The following ARHGAP22 variants were observed in gnomAD, a reference collection of about 807,000 sequenced individuals.
ARHGAP22 encodes the protein Rho GTPase activating protein 22.
Under a neutral mutation model 59.1 loss-of-function variants are expected in ARHGAP22, and 48 were observed. The observed-to-expected ratio is 0.81, with a 90% CI of 0.64 to 1.03. ARHGAP22 has a LOEUF of 1.03. Ranked by LOEUF, ARHGAP22 falls within the 50% of genes least tolerant of loss-of-function variation. The pLI is 0.00. For missense variants in ARHGAP22, 1,015 were observed against 958.7 expected, an observed-to-expected ratio of 1.06 and a Z score of -0.78; for synonymous variants, 445 against 416.4, an observed-to-expected ratio of 1.07 and a Z score of -0.84.
At chr10:48,570,875 G>A (rs988066546) in intron 2 of ARHGAP22, among the ~76,000 whole-genome samples, 32 of 152,316 alleles carry the variant, frequency 2.1e-4, no homozygotes, top group East Asian at 7.7e-4. Flanking sequence ...CGCTCTGCAC[G>A]AAACGGCCAT....
At chr10:48,606,233 G>A (rs750187230), upstream of ARHGAP22, among the ~76,000 whole-genome samples, 3 of 152,138 alleles carry the variant, frequency 2.0e-5, no homozygotes, top group Non-Finnish European at 4.4e-5. Context: ...TGTCCTATTG[G>A]TATGTAATCA....
chr10:48,441,956 G>T (rs1235108926), downstream of ARHGAP22, among the ~76,000 whole-genome samples: 1 of 152,184 alleles, frequency 6.6e-6, no homozygotes, highest in Non-Finnish European at 1.5e-5. Context: ...CCCCTGGATG[G>T]AAGAGCCTGT....
intron 3 of ARHGAP22, among the ~76,000 whole-genome samples, chr10:48,523,174 A>G (rs2134765843): frequency 1.3e-5 from 2 of 152,080 alleles, no homozygotes; most frequent in South Asian, 4.2e-4. Flanking sequence ...GGCTTCCCAG[A>G]CTCACCTGGC....
chr10:48,464,565 C>T (rs2047469343), intron 4 of ARHGAP22, among the ~76,000 whole-genome samples: 1 of 152,166 alleles, frequency 6.6e-6, no homozygotes, highest in African/African-American at 2.4e-5. Flanking sequence ...CGTCAGAGGG[C>T]AGGGGTGAAG....
chr10:48,439,727 A>G, the ARHGAP22 span, among the ~76,000 whole-genome samples: 30 of 152,152 alleles, frequency 2.0e-4, no homozygotes, highest in Non-Finnish European at 4.0e-4. Flanking sequence ...ACTGTTTCCA[A>G]CTTTTGCCAT....
chr10:48,430,451 A>T, the ARHGAP22 span: 1 of 152,196 alleles, frequency 6.6e-6, no homozygotes, highest in African/African-American at 2.4e-5. Flanking sequence ...TTAACATCAG[A>T]ATCACTTCTG....
chr10:48,621,243 C>G (rs1006801661), intron 1 of ARHGAP22, among the ~76,000 whole-genome samples: 1 of 152,112 alleles, frequency 6.6e-6, no homozygotes, highest in Admixed American at 6.5e-5. Context: ...TTATTTTTTG[C>G]AAGAAGTTGT....
chr10:48,619,874 T>C (rs977163014), intron 1 of ARHGAP22, among the ~76,000 whole-genome samples: 1 of 152,112 alleles, frequency 6.6e-6, no homozygotes, highest in Non-Finnish European at 1.5e-5. Flanking sequence ...AAAAAACTTC[T>C]GCAAAGCGAA....
intron 3 of ARHGAP22, among the ~76,000 whole-genome samples, chr10:48,508,034 C>A (rs1303032244): frequency 1.3e-5 from 2 of 152,232 alleles, no homozygotes; most frequent in Admixed American, 6.5e-5. Context: ...CTCGGGCCAT[C>A]CCTGCCTTCC....
Position 48,605,001 on chromosome 10 carries a change from T to C in ARHGAP22, c.-205A>G, listed in dbSNP as rs2060604036. On this transcript the variant is annotated 5_prime_UTR_variant, in exon 1 of 10. Transcript: ENST00000249601. ...GGACTACATAAACCTCGATGCATTATTTATCCATCCCAGAATTAATTCCCA... is the reference window on the plus strand; with the variant it reads ...GGACTACATAAACCTCGATGCATTACTTATCCATCCCAGAATTAATTCCCA... The C allele has an allele frequency of 6.9e-7, 1 of 1,447,616 alleles. No individual in the cohort carries two copies. The highest frequency in any genetic ancestry group is 9.1e-7 in the Non-Finnish European group (1 of 1,104,946). 89.7% of individuals were successfully genotyped at this position (1,447,616 alleles called of 1,614,324 possible). A position where few individuals can be genotyped will look rare whatever the true frequency, so the allele number is the denominator to read the frequency against.
At chr10:48,536,570 C>T (rs1671990828) in intron 3 of ARHGAP22, among the ~76,000 whole-genome samples, 1 of 152,188 alleles carries the variant, frequency 6.6e-6, no homozygotes, top group African/African-American at 2.4e-5. Flanking sequence ...ACAGCCAGGC[C>T]TCAATCCACC....
chr10:48,631,155 C>G (rs1318090068), intron 1 of ARHGAP22, among the ~76,000 whole-genome samples: 2 of 152,178 alleles, frequency 1.3e-5, no homozygotes, highest in African/African-American at 4.8e-5. Context: ...GGAATAAACT[C>G]CACTTGGTTG....
intron 3 of ARHGAP22, among the ~76,000 whole-genome samples, chr10:48,518,925 G>A (rs1310935675): frequency 6.6e-6 from 1 of 152,220 alleles, no homozygotes; most frequent in Non-Finnish European, 1.5e-5. Flanking sequence ...TGAGAATTCA[G>A]TTTTAGCCCG....
chr10:48,439,823 G>A, the ARHGAP22 span, among the ~76,000 whole-genome samples: 2 of 152,276 alleles, frequency 1.3e-5, no homozygotes, highest in East Asian at 3.9e-4. Context: ...CTGTAATGAC[G>A]CCACTCCGTC....
chr10:48,653,817 G>C (rs1313383486), upstream of ARHGAP22, among the ~76,000 whole-genome samples: 1 of 152,174 alleles, frequency 6.6e-6, no homozygotes, highest in African/African-American at 2.4e-5. Flanking sequence ...TTCCATTTTC[G>C]AGTGCTTGGA....
At chr10:48,433,551 A>C in the ARHGAP22 span, among the ~76,000 whole-genome samples, 1 of 152,018 alleles carries the variant, frequency 6.6e-6, no homozygotes, top group Admixed American at 6.5e-5. Context: ...TTTACCTCTC[A>C]TCTCTCAGGC....
chr10:48,604,675 A>G, intron 1 of ARHGAP22, 88 bp downstream of exon 1: 1 of 1,604,450 alleles, frequency 6.2e-7, no homozygotes, highest in East Asian at 2.3e-5. Context: ...CCCATGTGAC[A>G]CATGGCGTGA....
intron 4 of ARHGAP22, among the ~76,000 whole-genome samples, chr10:48,463,306 GCA>G (rs1340984251): frequency 6.6e-6 from 1 of 152,204 alleles, no homozygotes; most frequent in African/African-American, 2.4e-5. Flanking sequence ...GACCTCTGGG[GCA>G]CAGACTTCCC....
intron 3 of ARHGAP22, among the ~76,000 whole-genome samples, chr10:48,480,289 C>T (rs2049169410): frequency 6.6e-6 from 1 of 152,146 alleles, no homozygotes; most frequent in Non-Finnish European, 1.5e-5. Context: ...AATTCTCCAC[C>T]ACACCCATCT....
Sources: gnomAD v4.1 joint callset for allele counts (sites outside exome capture counted in the v4.1 genomes callset) on GRCh38, gnomAD v4.1.1 for gene constraint, MANE v1.5 for transcripts, NCBI Gene and HGNC (gene_info 2026-07-23, HGNC 2026-07-21) for gene names.